Variants in GDAP2 observed in about 807,000 individuals in gnomAD.
GDAP2 encodes ganglioside induced differentiation associated protein 2.
GDAP2 carries 51 observed loss-of-function variants against 67.0 expected under a neutral mutation model. The ratio of observed to expected loss-of-function variants is 0.76; its 90% CI spans 0.61 to 0.96. The LOEUF (loss-of-function observed/expected upper bound fraction) is 0.96. Ranked by LOEUF, GDAP2 falls within the 40% of genes least tolerant of loss-of-function variation. The pLI, the probability that GDAP2 is intolerant of heterozygous loss-of-function variation, is 0.00. For synonymous variants in GDAP2, 203 were observed against 207.3 expected, an observed-to-expected ratio of 0.98 and a Z score of 0.18; for missense variants, 547 against 588.3, an observed-to-expected ratio of 0.93 and a Z score of 0.73.
At chr1:117,900,832 G>A (rs1041483215) in intron 6 of GDAP2, among the ~76,000 whole-genome samples, 70 of 150,852 alleles carry the variant, frequency 4.6e-4, no homozygotes, top group African/African-American at 1.6e-3. Flanking sequence ...AGGCCGAGGC[G>A]GACAGATCAC....
In GDAP2 at chr1:117,913,035, T is replaced by C. The variant is rs78803618; in HGVS notation, c.317-352A>G. On this transcript the variant is annotated intron_variant, in intron 3 of 13. Coordinates refer to ENST00000369443, the MANE Select transcript of GDAP2 (RefSeq NM_017686.4). The stretch of plus-strand genomic sequence containing the variant: ...AACTAATACGAAGCAAGTTGATCTG[T>C]ACTGAAAAGCAGTGTTGGATACAAG... Among the ~76,000 whole-genome samples, 755 of 152,284 alleles carry C rather than the reference T, an allele frequency of 5.0e-3. 6 individuals are homozygous for C. Among genetic ancestry groups the C allele is most frequent in the African/African-American group, 0.017 (709 of 41,552 alleles).
chr1:117,881,461 G>C (rs111713351), intron 12 of GDAP2, among the ~76,000 whole-genome samples: 2,026 of 152,262 alleles, frequency 0.013, 35 homozygotes, highest in South Asian at 0.091. Flanking sequence ...CTAGCTGCAG[G>C]ATTGGTCAGG....
intron 6 of GDAP2, among the ~76,000 whole-genome samples, chr1:117,899,789 T>C (rs1649385504): frequency 6.6e-6 from 1 of 152,236 alleles, no homozygotes; most frequent in Non-Finnish European, 1.5e-5. Context: ...CATGTAGTGC[T>C]CTTATTTGTC....
chr1:117,876,361 G>T (rs1286708635), intron 13 of GDAP2, among the ~76,000 whole-genome samples: 3 of 152,084 alleles, frequency 2.0e-5, no homozygotes, highest in East Asian at 3.9e-4. Flanking sequence ...AGCAGCCTGA[G>T]TCCCTCACCA....
chr1:117,916,768 T>C (rs1263599971), intron 3 of GDAP2, among the ~76,000 whole-genome samples: 2 of 152,184 alleles, frequency 1.3e-5, no homozygotes, highest in African/African-American at 2.4e-5. Flanking sequence ...GCATGGTGGC[T>C]TACGCCTGTA....
intron 8 of GDAP2, among the ~76,000 whole-genome samples, chr1:117,893,992 T>C (rs1231489123): frequency 6.6e-6 from 1 of 152,204 alleles, no homozygotes; most frequent in Non-Finnish European, 1.5e-5. Context: ...TTGTATTTTT[T>C]AACTTGCAAA....
In GDAP2 at chr1:117,865,577, A is replaced by C. The variant is rs966813226; in HGVS notation, c.*4992T>G. The stretch of plus-strand genomic sequence containing the variant: ...CTCAGTCTGTGATGACTGTGTGCTT[A>C]CGTTAACGAAACACATTACAAAAAA... On this transcript the variant is annotated 3_prime_UTR_variant, in exon 14 of 14. Coordinates refer to ENST00000369443, the MANE Select transcript of GDAP2 (RefSeq NM_017686.4). 5.3e-5 allele frequency: 8 copies of C among 152,276 alleles called. No homozygotes were observed. The highest frequency in any genetic ancestry group is 8.8e-5 in the Non-Finnish European group (6 of 68,020). 9.4% of individuals were successfully genotyped at this position (152,276 alleles called of 1,614,324 possible).
intron 11 of GDAP2, among the ~76,000 whole-genome samples, chr1:117,882,429 GTCA>G (rs1648682835): frequency 1.3e-5 from 2 of 152,092 alleles, no homozygotes; most frequent in Non-Finnish European, 2.9e-5. Context: ...AAGTCACCCA[GTCA>G]TCAAGTGGCA....
chr1:117,916,147 A>C (rs1650038212), intron 3 of GDAP2, among the ~76,000 whole-genome samples: 1 of 152,206 alleles, frequency 6.6e-6, no homozygotes, highest in African/African-American at 2.4e-5. Context: ...ATAAGCCAAC[A>C]AGAGAGAAGT....
rs531351656 is a variant in GDAP2, at chr1:117,864,046, T to C, written c.*6523A>G. The C allele has an allele frequency of 1.3e-3, 199 of 152,374 alleles. No homozygotes were observed. Among genetic ancestry groups the C allele is most frequent in the African/African-American group, 4.6e-3 (190 of 41,598 alleles). 9.4% of individuals were successfully genotyped at this position (152,374 alleles called of 1,614,324 possible). A position where few individuals can be genotyped will look rare whatever the true frequency, so the allele number is the denominator to read the frequency against. Reference sequence around the variant, plus strand: ...CCAAAGCGCCAATGCTACTGACCACTAAATTGTTGCTTCTTAAACTGGGGT... The same window carrying C: ...CCAAAGCGCCAATGCTACTGACCACCAAATTGTTGCTTCTTAAACTGGGGT... On this transcript the variant is annotated 3_prime_UTR_variant, in exon 14 of 14. Transcript: ENST00000369443.
chr1:117,920,787 A>C (rs973721112), intron 1 of GDAP2, among the ~76,000 whole-genome samples: 3 of 152,174 alleles, frequency 2.0e-5, no homozygotes, highest in African/African-American at 7.2e-5. Context: ...AAGATAAACC[A>C]TATGTATAAT....
chr1:117,898,566 T>C (rs940242929), intron 7 of GDAP2, among the ~76,000 whole-genome samples: 3 of 152,178 alleles, frequency 2.0e-5, no homozygotes, highest in African/African-American at 4.8e-5. Context: ...CACATGAACA[T>C]CACTACAAGA....
chr1:117,911,147 T>C (rs1649841753), intron 5 of GDAP2, among the ~76,000 whole-genome samples: 2 of 152,220 alleles, frequency 1.3e-5, no homozygotes, highest in African/African-American at 2.4e-5. Flanking sequence ...TCCTCCTGTT[T>C]GTCAGTGTCT....
intron 3 of GDAP2, among the ~76,000 whole-genome samples, chr1:117,915,492 A>T (rs1650020009): frequency 6.6e-6 from 1 of 152,232 alleles, no homozygotes; most frequent in Admixed American, 6.5e-5. Flanking sequence ...TCAGCTGGAA[A>T]TTTTAAATAT....
At position 117,912,541 on chromosome 1, in the gene GDAP2, A is replaced by G. The variant is rs774308909; in HGVS notation, c.459T>C (p.Leu153=). 6.2e-7 allele frequency: 1 copy of G among 1,613,176 alleles called. No homozygotes were observed. Among genetic ancestry groups the G allele is most frequent in the Admixed American group, 1.7e-5 (1 of 59,952 alleles). Residue 153 remains leucine (L), a synonymous_variant, in exon 4 of 14, where the codon CTT becomes CTC. Transcript: ENST00000369443. The part of the protein sequence containing the change: ...SSLYSCYRNV[L]QLAKEQSMSS... ...TGAGTAGACCATACTTTGCTAGTTG[A>G]AGTACGTTTCTGTAGCAGCTATAAA...
At chr1:117,874,074 G>A (rs1210908281) in intron 13 of GDAP2, among the ~76,000 whole-genome samples, 1 of 152,174 alleles carries the variant, frequency 6.6e-6, no homozygotes, top group African/African-American at 2.4e-5. Flanking sequence ...AAGACCTGCA[G>A]CACTAATATG....
Position 117,920,298 on chromosome 1 carries a change from A to G in GDAP2, c.60T>C (p.Gly20=). ...AATTTAATTCATCTTGGCATGAGTC[A>G]CCCCAGCTTGGTAGTGTATCCACAT... ...FVDVDTLPSW[G]DSCQDELNSS... The change falls in exon 2 of 14, where the codon GGT becomes GGC. Residue 20 remains glycine, a synonymous_variant. Coordinates refer to ENST00000369443, the MANE Select transcript of GDAP2 (RefSeq NM_017686.4). 1 of 1,610,124 alleles carries G rather than the reference A, an allele frequency of 6.2e-7. No homozygotes were observed. Among genetic ancestry groups the G allele is most frequent in the South Asian group, 1.1e-5 (1 of 90,752 alleles).
At chr1:117,924,528 C>A (rs538938173) in intron 1 of GDAP2, among the ~76,000 whole-genome samples, 12 of 152,314 alleles carry the variant, frequency 7.9e-5, no homozygotes, top group African/African-American at 2.9e-4. Context: ...AACAAGCATG[C>A]CCTTCCACAA....
intron 3 of GDAP2, 36 bp from the exon 4 acceptor site, chr1:117,912,719 GT>G: frequency 6.4e-7 from 1 of 1,570,380 alleles, no homozygotes; most frequent in Non-Finnish European, 8.7e-7. Flanking sequence ...GTTTGGATGT[GT>G]TAGGAAAACA....
Sources: allele counts gnomAD v4.1 joint callset (sites outside exome capture counted in the v4.1 genomes callset), GRCh38; gene constraint gnomAD v4.1.1; transcripts MANE v1.5; gene names NCBI Gene and HGNC (gene_info 2026-07-23, HGNC 2026-07-21).